EYA2: variants seen among roughly 807,000 people sequenced by gnomAD.
EYA2 encodes EYA transcriptional coactivator and phosphatase 2.
EYA2 carries 31 observed loss-of-function variants against 69.2 expected under a neutral mutation model. The observed-to-expected ratio is 0.45, with a 90% confidence interval of 0.34 to 0.60. The LOEUF (loss-of-function observed/expected upper bound fraction) is 0.60, where lower values mean the gene tolerates loss of function less well. Ranked by LOEUF, EYA2 falls within the 20% of genes least tolerant of loss-of-function variation. The pLI is 0.02. For synonymous variants in EYA2, 257 were observed against 279.4 expected (o/e 0.92, Z 0.80); for missense variants, 622 against 701.2 (o/e 0.89, Z 1.28).
Position 47,135,853 on chromosome 20 carries a change from AC to A in EYA2, c.889-7205del, listed in dbSNP as rs1268260728. Among the ~76,000 whole-genome samples, 243 of 62,794 alleles carry A rather than the reference AC, an allele frequency of 3.9e-3. 26 individuals are homozygous for A. The highest frequency in any genetic ancestry group is 0.023 in the African/African-American group (195 of 8,382). 41.2% of individuals were successfully genotyped at this position (62,794 alleles called of 152,430 possible). A position where few individuals can be genotyped will look rare whatever the true frequency, so the allele number is the denominator to read the frequency against. ...AAAAAAAAAAAAAACAAACAAACAA[AC>A]AAAAAACTAATTAATTAATTAATTA... On this transcript the variant is annotated intron_variant, in intron 9 of 15. Coordinates refer to ENST00000327619, the MANE Select transcript of EYA2 (RefSeq NM_005244.5).
intron 1 of EYA2, among the ~76,000 whole-genome samples, chr20:46,915,510 T>C (rs6066113): frequency 0.45 from 68,571 of 151,862 alleles, 16,434 homozygotes; most frequent in South Asian, 0.55. Context: ...ACATGGGAAG[T>C]TGGTCTCAGA....
rs549556511 is a variant in EYA2, at chr20:46,983,131, A to AT, written c.-10-6863dup. 3.3e-3 allele frequency among the ~76,000 whole-genome samples: 506 copies of AT among 152,188 alleles called. 4 individuals are homozygous for AT. The Middle Eastern group carries it at 0.075, about 23-fold the overall frequency. On this transcript the variant is annotated intron_variant, in intron 1 of 15. Transcript: ENST00000327619. ...TTAGCAGCATTCTCATCTTAAATCA[A>AT]TTTTTTTATTATATTATCACAGTTG...
chr20:46,901,420 T>A (rs1984100053), intron 1 of EYA2: 1 of 152,220 alleles, frequency 6.6e-6, no homozygotes, highest in African/African-American at 2.4e-5. Flanking sequence ...AAGGTATAAG[T>A]ACTCACCTTT....
chr20:47,048,952 G>A (rs2030185686), intron 5 of EYA2, among the ~76,000 whole-genome samples: 1 of 152,140 alleles, frequency 6.6e-6, no homozygotes, highest in Non-Finnish European at 1.5e-5. Context: ...ACACGTTATG[G>A]TACTCAACAC....
At chr20:47,117,644 T>G (rs1008517151) in intron 9 of EYA2, 19 of 984,852 alleles carry the variant, frequency 1.9e-5, no homozygotes, top group African/African-American at 1.1e-4. Context: ...TGAGAAGAAA[T>G]AAAAAGAAAA....
At chr20:47,082,951 T>C (rs1390102414) in intron 7 of EYA2, among the ~76,000 whole-genome samples, 3 of 151,988 alleles carry the variant, frequency 2.0e-5, no homozygotes, top group African/African-American at 7.3e-5. Context: ...CCCAGCACTT[T>C]GGGAGGCCGA....
At chr20:47,002,318 C>T (rs1399503861) in intron 3 of EYA2, among the ~76,000 whole-genome samples, 2 of 152,106 alleles carry the variant, frequency 1.3e-5, no homozygotes, top group East Asian at 3.9e-4. Flanking sequence ...GTATTAAATT[C>T]GACATGCATT....
At chr20:46,910,779 T>G (rs1394221790) in intron 1 of EYA2, among the ~76,000 whole-genome samples, 1 of 152,244 alleles carries the variant, frequency 6.6e-6, no homozygotes, top group South Asian at 2.1e-4. Flanking sequence ...TTGTTTGGTC[T>G]GCAGATCATT....
intron 1 of EYA2, among the ~76,000 whole-genome samples, chr20:46,912,204 T>G (rs1457035279): frequency 6.6e-6 from 1 of 152,206 alleles, no homozygotes; most frequent in African/African-American, 2.4e-5. Context: ...GAGCTGAGGC[T>G]TAGTGAGTTT....
intron 5 of EYA2, among the ~76,000 whole-genome samples, chr20:47,024,467 G>T (rs1983962662): frequency 1.3e-5 from 2 of 152,168 alleles, no homozygotes; most frequent in Non-Finnish European, 1.5e-5. Context: ...ATCTTTTCCA[G>T]TGGTTCTCTC....
intron 9 of EYA2, among the ~76,000 whole-genome samples, chr20:47,104,953 G>A (rs2032531829): frequency 6.6e-6 from 1 of 152,130 alleles, no homozygotes; most frequent in Non-Finnish European, 1.5e-5. Flanking sequence ...CCCGGGAGGT[G>A]GAGGCTGCAG....
At chr20:47,144,527 C>T (rs925669454) in intron 10 of EYA2, among the ~76,000 whole-genome samples, 1 of 152,060 alleles carries the variant, frequency 6.6e-6, no homozygotes, top group Non-Finnish European at 1.5e-5. Context: ...CTGGCTAGCC[C>T]AAGGCACTAC....
At chr20:47,043,310 A>G (rs989874670) in intron 5 of EYA2, among the ~76,000 whole-genome samples, 4 of 152,218 alleles carry the variant, frequency 2.6e-5, no homozygotes, top group South Asian at 2.1e-4. Flanking sequence ...AGGCACAGGC[A>G]GGGGACCCAC....
intron 10 of EYA2, among the ~76,000 whole-genome samples, chr20:47,159,411 A>G (rs1568816158): frequency 6.6e-6 from 1 of 152,030 alleles, no homozygotes; most frequent in Non-Finnish European, 1.5e-5. Context: ...CACCGTCCTC[A>G]AAAGCAAGGA....
At chr20:47,110,966 A>G (rs1181069052) in intron 9 of EYA2, among the ~76,000 whole-genome samples, 1 of 152,244 alleles carries the variant, frequency 6.6e-6, no homozygotes, top group Non-Finnish European at 1.5e-5. Context: ...CAGACATTGC[A>G]TCCATCCCCT....
chr20:47,097,443 C>T (rs2298001), intron 9 of EYA2, among the ~76,000 whole-genome samples: 134,503 of 152,266 alleles, frequency 0.88, 60,988 homozygotes, highest in East Asian at 0.99. Context: ...TGTCTTCAGC[C>T]GTCTCCCTTC....
intron 9 of EYA2, among the ~76,000 whole-genome samples, chr20:47,131,410 G>T (rs1454443178): frequency 6.6e-6 from 1 of 152,186 alleles, no homozygotes; most frequent in Non-Finnish European, 1.5e-5. Context: ...CAGATTCATG[G>T]ATGATATACT....
At chr20:46,943,924 T>C (rs1226308073) in intron 1 of EYA2, among the ~76,000 whole-genome samples, 1 of 152,170 alleles carries the variant, frequency 6.6e-6, no homozygotes, top group African/African-American at 2.4e-5. Flanking sequence ...TCTCTCCCTC[T>C]CTCTCCCCCT....
intron 10 of EYA2, 65 bp downstream of exon 10, chr20:47,143,213 A>G: frequency 7.7e-7 from 1 of 1,304,942 alleles, no homozygotes; most frequent in Non-Finnish European, 1.1e-6. Context: ...GTTTATGGGA[A>G]GAAGGATGCT....
Sources: allele counts gnomAD v4.1 joint callset (sites outside exome capture counted in the v4.1 genomes callset), GRCh38; gene constraint gnomAD v4.1.1; transcripts MANE v1.5; gene names NCBI Gene and HGNC (gene_info 2026-07-23, HGNC 2026-07-21).